The following BMERB1 variants were observed in gnomAD, a reference collection of about 807,000 sequenced individuals.
BMERB1 encodes the protein bMERB domain containing 1, also known as bMERB domain-containing protein 1.
A neutral mutation model predicts 23.6 loss-of-function variants in BMERB1; 12 were observed. The ratio of observed to expected loss-of-function variants is 0.51; its 90% CI spans 0.33 to 0.82. The LOEUF is 0.82. BMERB1 is among the 40% of genes least tolerant of loss of function. The probability of loss-of-function intolerance (pLI) is 0.03; values close to 1 mark genes in which losing one functional copy is unlikely to be tolerated. For missense variants in BMERB1, 247 were observed against 255.4 expected (o/e 0.97, Z 0.22); for synonymous variants, 122 against 96.6 (o/e 1.26, Z -1.54).
At position 15,482,974 on chromosome 16, in the gene BMERB1, G is replaced by C. The variant is rs1006306017; in HGVS notation, c.107-32331G>C. ...CACACACACGCGCGTAAAACACATA[G>C]AAAAAAATCACCCACAATTCTACCC... is the stretch of plus-strand genomic sequence containing the variant. On this transcript the variant is annotated intron_variant, in intron 1 of 5. Transcript: ENST00000300006. Among the ~76,000 whole-genome samples the C allele has an allele frequency of 3.3e-5, 5 of 152,074 alleles. No homozygotes were observed. The East Asian group carries it at 9.7e-4, about 29-fold the overall frequency.
chr16:15,550,088 T>TACAAGC (rs1042112701), intron 2 of BMERB1, among the ~76,000 whole-genome samples: 9 of 151,894 alleles, frequency 5.9e-5, no homozygotes, highest in African/African-American at 2.2e-4. Context: ...TAGCTGGGAC[T>TACAAGC]ACAAGCACCT....
At chr16:15,539,414 C>G (rs909139839) in intron 2 of BMERB1, among the ~76,000 whole-genome samples, 32 of 152,220 alleles carry the variant, frequency 2.1e-4, no homozygotes, top group Admixed American at 9.8e-4. Flanking sequence ...TGGCTCCTAA[C>G]AGGCCAAGGA....
intron 1 of BMERB1, among the ~76,000 whole-genome samples, chr16:15,479,227 A>G (rs1465004260): frequency 6.6e-6 from 1 of 152,180 alleles, no homozygotes; most frequent in Non-Finnish European, 1.5e-5. Flanking sequence ...CCAATAGAAG[A>G]CTTTTTGATG....
chr16:15,570,360 T>C (rs2030692861), intron 3 of BMERB1, among the ~76,000 whole-genome samples: 1 of 152,190 alleles, frequency 6.6e-6, no homozygotes, highest in African/African-American at 2.4e-5. Flanking sequence ...TGCAGCATGA[T>C]GAGCCTTAGA....
At chr16:15,512,724 C>T (rs569540472) in intron 1 of BMERB1, among the ~76,000 whole-genome samples, 8 of 151,984 alleles carry the variant, frequency 5.3e-5, no homozygotes, top group Admixed American at 5.2e-4. Flanking sequence ...ACTAAAAATA[C>T]AAAAATTAGC....
At position 15,587,423 on chromosome 16, in the gene BMERB1, T is replaced by C; in HGVS notation, c.*594T>C. On this transcript the variant is annotated 3_prime_UTR_variant, in exon 6 of 6. Coordinates refer to ENST00000300006, the MANE Select transcript of BMERB1 (RefSeq NM_033201.3). ...ATCGAGCTTGTGTGTGGTGTCGTGG[T>C]CACATCTCCCGCTTCCCCCCATCCT... The C allele has an allele frequency of 3.3e-6, 1 of 305,088 alleles. No individual in the cohort carries two copies. The highest frequency in any genetic ancestry group is 6.9e-6 in the Non-Finnish European group (1 of 144,392). 18.9% of individuals were successfully genotyped at this position (305,088 alleles called of 1,614,324 possible).
intron 2 of BMERB1, among the ~76,000 whole-genome samples, chr16:15,517,735 CGT>C (rs930424075): frequency 6.6e-6 from 1 of 151,618 alleles, no homozygotes; most frequent in Non-Finnish European, 1.5e-5. Flanking sequence ...ACTGTGTGCG[CGT>C]GTGTGTGGAT....
At chr16:15,461,124 C>CA (rs35746898) in intron 1 of BMERB1, among the ~76,000 whole-genome samples, 69,258 of 131,060 alleles carry the variant, frequency 0.53, 17,204 homozygotes, top group Admixed American at 0.63. Context: ...GACTCTGTCT[C>CA]AAAAAAAAAA....
rs149006394 is a variant in BMERB1, at chr16:15,467,086, T to G, written c.106+32327T>G. ...TTGTATGGATGTACCATGGTTTGTT[T>G]TACCCATTGAAGGACATCTGGATTA... On this transcript the variant is annotated intron_variant, in intron 1 of 5. Transcript: ENST00000300006. Among the ~76,000 whole-genome samples, 228 of 152,322 alleles carry G rather than the reference T, an allele frequency of 1.5e-3. 2 individuals carry two copies. The highest frequency in any genetic ancestry group is 5.2e-3 in the African/African-American group (218 of 41,566).
intron 2 of BMERB1, among the ~76,000 whole-genome samples, chr16:15,562,094 G>C (rs1172692306): frequency 6.6e-6 from 1 of 151,864 alleles, no homozygotes; most frequent in Admixed American, 6.6e-5. Context: ...GATCACCTGA[G>C]ATCAGGTGTT....
chr16:15,475,665 G>T (rs1403606683), intron 1 of BMERB1, among the ~76,000 whole-genome samples: 1 of 152,054 alleles, frequency 6.6e-6, no homozygotes, highest in Non-Finnish European at 1.5e-5. Flanking sequence ...CCTGATACTT[G>T]TTTGGTAAAG....
intron 1 of BMERB1, among the ~76,000 whole-genome samples, chr16:15,480,606 C>CTTTTTTTTTTTTTTTTTTTTTTTT (rs1159247360): frequency 1.7e-5 from 1 of 58,962 alleles, no homozygotes; most frequent in African/African-American, 6.6e-5. Context: ...ATTCCACTGT[C>CTTTTTTTTTTTTTTTTTTTTTTTT]TTTTTTTTTT....
At chr16:15,542,266 T>C (rs954223596) in intron 2 of BMERB1, among the ~76,000 whole-genome samples, 1 of 151,804 alleles carries the variant, frequency 6.6e-6, no homozygotes, top group Non-Finnish European at 1.5e-5. Context: ...GGTTTCACCA[T>C]ATTGGCCAGG....
chr16:15,565,813 C>T (rs150378590), intron 2 of BMERB1, among the ~76,000 whole-genome samples: 1,898 of 152,300 alleles, frequency 0.012, 45 homozygotes, highest in African/African-American at 0.043. Context: ...TGAGCTATGA[C>T]TGTGCCTTGG....
At chr16:15,469,950 C>A (rs1311913664) in intron 1 of BMERB1, among the ~76,000 whole-genome samples, 1 of 152,124 alleles carries the variant, frequency 6.6e-6, no homozygotes, top group Admixed American at 6.6e-5. Context: ...TTATTTCTTC[C>A]TTCCTAATTT....
chr16:15,462,138 T>G (rs192266467), intron 1 of BMERB1, among the ~76,000 whole-genome samples: 740 of 8,048 alleles, frequency 0.092, 13 homozygotes, highest in African/African-American at 0.22. Flanking sequence ...ATGTCCTGCC[T>G]TTTTTTTTTT....
chr16:15,451,570 T>C (rs1314495110), intron 1 of BMERB1, among the ~76,000 whole-genome samples: 3 of 142,080 alleles, frequency 2.1e-5, no homozygotes, highest in African/African-American at 7.9e-5. Context: ...TTTTTTTTTT[T>C]TTTTTTGAGA....
At chr16:15,524,764 C>T (rs963345466) in intron 2 of BMERB1, among the ~76,000 whole-genome samples, 1 of 152,122 alleles carries the variant, frequency 6.6e-6, no homozygotes, top group African/African-American at 2.4e-5. Context: ...GAATGAGACT[C>T]TGTGTCAAAG....
rs146754299 is a variant in BMERB1 at position 15,573,251 on chromosome 16, G to A, written c.304+5195G>A. On this transcript the variant is annotated intron_variant, in intron 3 of 5. Coordinates refer to ENST00000300006, the MANE Select transcript of BMERB1 (RefSeq NM_033201.3). ...CTCAATGGCTTATAGGTAATGTTCTGTCCAACAGGTTCACCTTGCCCTCTG... is the reference window on the plus strand; with the variant it reads ...CTCAATGGCTTATAGGTAATGTTCTATCCAACAGGTTCACCTTGCCCTCTG... Among the ~76,000 whole-genome samples the A allele has an allele frequency of 1.9e-3, 296 of 152,262 alleles. 1 individual carries two copies. Among genetic ancestry groups the A allele is most frequent in the African/African-American group, 7.0e-3 (289 of 41,544 alleles).
Sources: gnomAD v4.1 joint callset for allele counts (sites outside exome capture counted in the v4.1 genomes callset) on GRCh38, gnomAD v4.1.1 for gene constraint, MANE v1.5 for transcripts, NCBI Gene and HGNC (gene_info 2026-07-23, HGNC 2026-07-21) for gene names.